Variants in CAMKMT observed in about 807,000 individuals in gnomAD.
CAMKMT encodes calmodulin-lysine N-methyltransferase.
A neutral mutation model predicts 48.0 loss-of-function variants in CAMKMT; 53 were observed. The observed-to-expected ratio is 1.10, with a 90% confidence interval of 0.89 to 1.39. The LOEUF (loss-of-function observed/expected upper bound fraction) is 1.39. CAMKMT is among the 40% of genes most tolerant of loss of function. CAMKMT has a pLI of 0.00. For missense variants in CAMKMT, 428 were observed against 402.7 expected, an observed-to-expected ratio of 1.06 and a Z score of -0.54; for synonymous variants, 165 against 152.3, an observed-to-expected ratio of 1.08 and a Z score of -0.61.
At position 44,611,180 on chromosome 2, in the gene CAMKMT, C is replaced by T. The variant is rs138065846; in HGVS notation, c.377-93103C>T. Reference sequence around the variant, plus strand: ...GGCATGGTGGCTCATGCCTGTAATCCCAGCACTTTGGGAGGCTGAGGTGGG... The same window carrying T: ...GGCATGGTGGCTCATGCCTGTAATCTCAGCACTTTGGGAGGCTGAGGTGGG... On this transcript the variant is annotated intron_variant, in intron 3 of 10. Coordinates refer to ENST00000378494, the MANE Select transcript of CAMKMT (RefSeq NM_024766.5). 1.3e-3 allele frequency among the ~76,000 whole-genome samples: 192 copies of T among 152,202 alleles called. 2 individuals carry two copies. Among genetic ancestry groups the T allele is most frequent in the African/African-American group, 4.3e-3 (179 of 41,532 alleles).
chr2:44,766,302 C>A, intron 9 of CAMKMT, 128 bp from the exon 10 acceptor site: 1 of 940,824 alleles, frequency 1.1e-6, no homozygotes, highest in South Asian at 1.5e-5. Context: ...GTCCATCCTG[C>A]ATAGACATCT....
intron 3 of CAMKMT, among the ~76,000 whole-genome samples, chr2:44,532,057 C>T (rs532283909): frequency 6.6e-6 from 1 of 152,292 alleles, no homozygotes; most frequent in African/African-American, 2.4e-5. Flanking sequence ...GACCTCTGTA[C>T]AGAATGTGTA....
At chr2:44,520,379 GT>G (rs950565765) in intron 3 of CAMKMT, among the ~76,000 whole-genome samples, 8 of 152,056 alleles carry the variant, frequency 5.3e-5, no homozygotes, top group Non-Finnish European at 1.2e-4. Flanking sequence ...GGACTCCCAA[GT>G]TGCTAGGATT....
intron 7 of CAMKMT, among the ~76,000 whole-genome samples, chr2:44,736,296 T>C (rs750681278): frequency 3.3e-5 from 5 of 152,190 alleles, no homozygotes; most frequent in Non-Finnish European, 5.9e-5. Flanking sequence ...CAATTCTAGG[T>C]TGACAGTTGT....
intron 3 of CAMKMT, among the ~76,000 whole-genome samples, chr2:44,516,845 G>T (rs552058060): frequency 1.0e-4 from 15 of 150,350 alleles, no homozygotes; most frequent in African/African-American, 3.7e-4. Flanking sequence ...GGTTTCAAGC[G>T]ATTCTCCTGC....
chr2:44,525,125 A>G (rs1056931413), intron 3 of CAMKMT, among the ~76,000 whole-genome samples: 2 of 152,238 alleles, frequency 1.3e-5, no homozygotes, highest in South Asian at 2.1e-4. Flanking sequence ...TCAGGCATTT[A>G]TATAAATTTT....
intron 9 of CAMKMT, among the ~76,000 whole-genome samples, chr2:44,762,834 C>T (rs542002405): frequency 1.3e-5 from 2 of 152,280 alleles, no homozygotes; most frequent in Admixed American, 6.5e-5. Context: ...AATGAATTCT[C>T]TTAAATTTCT....
At chr2:44,727,819 G>A (rs569737649) in intron 7 of CAMKMT, among the ~76,000 whole-genome samples, 1 of 152,138 alleles carries the variant, frequency 6.6e-6, no homozygotes, top group Non-Finnish European at 1.5e-5. Context: ...TATCATGAAG[G>A]GATGTTGGAG....
chr2:44,573,388 C>G lies in CAMKMT; in HGVS notation c.377-130895C>G, dbSNP rs559894151. ...TCCCTTCCTATAGGTTGCTTTTTCA[C>G]TCTGTTTTTTTTTAGTGTATATTAT... is the stretch of plus-strand genomic sequence containing the variant. On this transcript the variant is annotated intron_variant, in intron 3 of 10. Transcript: ENST00000378494. Among the ~76,000 whole-genome samples the G allele has an allele frequency of 5.6e-4, 84 of 150,874 alleles. No homozygotes were observed. The South Asian group carries it at 0.017, about 30-fold the overall frequency.
chr2:44,478,331 A>T (rs1371306568), intron 3 of CAMKMT, among the ~76,000 whole-genome samples: 2 of 152,080 alleles, frequency 1.3e-5, no homozygotes, highest in African/African-American at 2.4e-5. Flanking sequence ...TGCTGTGATT[A>T]CAGATATAGG....
At chr2:44,499,373 A>G (rs1267925241) in intron 3 of CAMKMT, among the ~76,000 whole-genome samples, 1 of 152,186 alleles carries the variant, frequency 6.6e-6, no homozygotes, top group Non-Finnish European at 1.5e-5. Flanking sequence ...GTCTCTTGGC[A>G]GTACAGTTGT....
At chr2:44,424,890 C>T (rs571370083) in intron 3 of CAMKMT, among the ~76,000 whole-genome samples, 2 of 152,210 alleles carry the variant, frequency 1.3e-5, no homozygotes, top group South Asian at 4.2e-4. Context: ...CCAAACACCA[C>T]CTGTTCCCCA....
intron 3 of CAMKMT, among the ~76,000 whole-genome samples, chr2:44,621,558 A>T (rs1007086081): frequency 6.6e-6 from 1 of 152,228 alleles, no homozygotes; most frequent in Non-Finnish European, 1.5e-5. Flanking sequence ...GGAAACAAAT[A>T]CAAAGGAGCT....
intron 3 of CAMKMT, among the ~76,000 whole-genome samples, chr2:44,453,151 G>A (rs1249400613): frequency 3.3e-5 from 5 of 151,930 alleles, no homozygotes; most frequent in Admixed American, 1.3e-4. Flanking sequence ...GCCTTGTGTT[G>A]TAATTCAATC....
At chr2:44,600,944 C>A (rs1257196538) in intron 3 of CAMKMT, among the ~76,000 whole-genome samples, 1 of 152,034 alleles carries the variant, frequency 6.6e-6, no homozygotes, top group Non-Finnish European at 1.5e-5. Context: ...TGTGTCAAGA[C>A]AATGAGGCTT....
chr2:44,671,088 G>C (rs1675301030), intron 3 of CAMKMT, among the ~76,000 whole-genome samples: 1 of 152,148 alleles, frequency 6.6e-6, no homozygotes, highest in Admixed American at 6.5e-5. Flanking sequence ...GAATGGCCTA[G>C]TATTATTGAT....
chr2:44,563,146 A>G (rs1668414522), intron 3 of CAMKMT, among the ~76,000 whole-genome samples: 1 of 146,532 alleles, frequency 6.8e-6, no homozygotes, highest in Admixed American at 7.0e-5. Flanking sequence ...TAATTTTTAA[A>G]TTATTGTTAT....
intron 3 of CAMKMT, among the ~76,000 whole-genome samples, chr2:44,671,243 A>C (rs577496741): frequency 7.0e-4 from 106 of 152,056 alleles, no homozygotes; most frequent in Middle Eastern, 3.4e-3. Flanking sequence ...TTTTCCTTCA[A>C]AATTGCACTT....
In CAMKMT at chr2:44,692,258, T is replaced by TAA. The variant is rs199863027; in HGVS notation, c.377-12014_377-12013dup. ...GCAGCATCATTTCTGTTTTTAATAG[T>TAA]AAAAAAAAAAAATTACTCTATGTTA... is the stretch of plus-strand genomic sequence containing the variant. On this transcript the variant is annotated intron_variant, in intron 3 of 10. Coordinates refer to ENST00000378494, the MANE Select transcript of CAMKMT (RefSeq NM_024766.5). Among the ~76,000 whole-genome samples the TAA allele has an allele frequency of 7.7e-3, 1,126 of 146,692 alleles. 17 individuals are homozygous for TAA. Among genetic ancestry groups the TAA allele is most frequent in the African/African-American group, 0.027 (1,075 of 40,304 alleles).
Sources: gnomAD v4.1 joint callset for allele counts (sites outside exome capture counted in the v4.1 genomes callset) on GRCh38, gnomAD v4.1.1 for gene constraint, MANE v1.5 for transcripts, NCBI Gene and HGNC (gene_info 2026-07-23, HGNC 2026-07-21) for gene names.